Variants in TRAPPC11 observed in about 807,000 individuals in gnomAD.
TRAPPC11 encodes the protein trafficking protein particle complex subunit 11.
TRAPPC11 carries 104 observed loss-of-function variants against 151.2 expected under a neutral mutation model. The ratio of observed to expected loss-of-function variants is 0.69; its 90% confidence interval spans 0.59 to 0.81. The LOEUF (loss-of-function observed/expected upper bound fraction) is 0.81. TRAPPC11 is among the 30% of genes least tolerant of loss of function. TRAPPC11 has a pLI of 0.00. For missense variants in TRAPPC11, 1,230 were observed against 1,349.6 expected, an observed-to-expected ratio of 0.91 and a Z score of 1.39; for synonymous variants, 456 against 472.3, an observed-to-expected ratio of 0.97 and a Z score of 0.45.
chr4:183,661,424 T>G (rs1005599752), intron 1 of TRAPPC11, among the ~76,000 whole-genome samples: 3 of 132,846 alleles, frequency 2.3e-5, no homozygotes, highest in East Asian at 4.7e-4. Flanking sequence ...CAGGCTGGAG[T>G]GCAGTGGCGC....
Position 183,680,197 on chromosome 4 carries a change from T to G in TRAPPC11, c.1043T>G (p.Phe348Cys), listed in dbSNP as rs1735605499. 1.2e-6 allele frequency: 2 copies of G among 1,614,078 alleles called. No individual in the cohort carries two copies. Among genetic ancestry groups the G allele is most frequent in the Non-Finnish European group, 1.7e-6 (2 of 1,179,980 alleles). The part of the protein sequence containing the change: ...LTAIQTQNPG[F>C]YYQQAAYYAQ... ...GCTATTCAAACTCAGAATCCTGGTTTCTATTACCAGCAGGCAGCATACTAT... is the reference window on the plus strand; with the variant it reads ...GCTATTCAAACTCAGAATCCTGGTTGCTATTACCAGCAGGCAGCATACTAT... Residue 348 changes from phenylalanine (F) to cysteine (C), a missense_variant, in exon 10 of 30, where the codon TTC becomes TGC. By Grantham distance (205) the Phe-to-Cys change is radical (BLOSUM62 -2). Transcript: ENST00000334690.
rs70959134 is a variant in TRAPPC11 at position 183,663,736 on chromosome 4, G to GTTT, written c.-21-94_-21-92dup. On this transcript the variant is annotated intron_variant, in intron 1 of 29. Transcript: ENST00000334690. ...CATATATTGGAAATGAATATGAGTT[G>GTTT]TTTTTTTTTTTTTTTTTTTGAGACA... 1.8e-3 allele frequency: 701 copies of GTTT among 388,234 alleles called. 9 individuals are homozygous for GTTT. Among genetic ancestry groups the GTTT allele is most frequent in the South Asian group, 3.2e-3 (98 of 30,322 alleles). 24.0% of individuals were successfully genotyped at this position (388,234 alleles called of 1,614,324 possible).
intron 5 of TRAPPC11, among the ~76,000 whole-genome samples, chr4:183,668,486 C>G (rs184675497): frequency 6.6e-6 from 1 of 152,292 alleles, no homozygotes; most frequent in Admixed American, 6.5e-5. Flanking sequence ...ATATGTGCAT[C>G]TAGGTCAACT....
At chr4:183,664,189 A>G (rs1734723161) in intron 2 of TRAPPC11, 118 bp downstream of exon 2, 3 of 849,638 alleles carry the variant, frequency 3.5e-6, no homozygotes, top group Admixed American at 2.1e-5. Flanking sequence ...AGTGGTGCAT[A>G]AAGAAAGCCT....
At chr4:183,667,346 T>C (rs1248793629) in intron 4 of TRAPPC11, among the ~76,000 whole-genome samples, 1 of 152,230 alleles carries the variant, frequency 6.6e-6, no homozygotes. Context: ...CTAGTTCCCC[T>C]GTTCCACTTG....
chr4:183,679,406 C>T lies in TRAPPC11; in HGVS notation c.885C>T (p.Phe295=), dbSNP rs371401679. 9.3e-6 allele frequency: 15 copies of T among 1,612,908 alleles called. No homozygotes were observed. The African/African-American group carries it at 2.0e-4, about 22-fold the overall frequency. ...CCCCATTGGATGCAATTGCTCAGTTCCGAAAACACATCGACTTGTGTAAGA... is the reference window on the plus strand; with the variant it reads ...CCCCATTGGATGCAATTGCTCAGTTTCGAAAACACATCGACTTGTGTAAGA... The part of the protein sequence containing the change: ...HNTPLDAIAQ[F]RKHIDLCKKK... Residue 295 remains phenylalanine (F), a synonymous_variant, in exon 9 of 30, where the codon TTC becomes TTT. Coordinates refer to ENST00000334690, the MANE Select transcript of TRAPPC11 (RefSeq NM_021942.6).
At chr4:183,695,836 T>C (rs115102297) in intron 23 of TRAPPC11, among the ~76,000 whole-genome samples, 2,251 of 152,284 alleles carry the variant, frequency 0.015, 52 homozygotes, top group African/African-American at 0.052. Context: ...AATGTACTGT[T>C]GAAAATTTCT....
intron 10 of TRAPPC11, among the ~76,000 whole-genome samples, chr4:183,681,992 A>G (rs2111355392): frequency 1.3e-5 from 2 of 152,328 alleles, no homozygotes; most frequent in Non-Finnish European, 2.9e-5. Context: ...GGAATTTGTT[A>G]AAATATGCAC....
intron 10 of TRAPPC11, among the ~76,000 whole-genome samples, chr4:183,681,015 G>A (rs1360356119): frequency 6.8e-6 from 1 of 147,478 alleles, no homozygotes; most frequent in East Asian, 1.9e-4. Flanking sequence ...ACTCTTAAGA[G>A]TCTGTTTGAG....
chr4:183,685,630 G>A (rs568062288), intron 17 of TRAPPC11, among the ~76,000 whole-genome samples: 1 of 152,070 alleles, frequency 6.6e-6, no homozygotes, highest in African/African-American at 2.4e-5. Context: ...TTGTAGTTCA[G>A]GTGTTATTAG....
At position 183,712,663 on chromosome 4, in the gene TRAPPC11, G is replaced by C. The variant is rs752195305; in HGVS notation, c.*19G>C. On this transcript the variant is annotated 3_prime_UTR_variant, in exon 30 of 30. Transcript: ENST00000334690. ...TGCATGATGTTCAAGACCGGCCCTT[G>C]GCTGTTGTTACAGAGATGTTGGGCA... The C allele has an allele frequency of 6.2e-6, 10 of 1,613,632 alleles. No individual in the cohort carries two copies. In the East Asian group the frequency reaches 1.8e-4, roughly 29 times the overall value.
At chr4:183,699,866 C>G (rs1736718095) in intron 25 of TRAPPC11, among the ~76,000 whole-genome samples, 3 of 151,966 alleles carry the variant, frequency 2.0e-5, no homozygotes, top group African/African-American at 7.3e-5. Flanking sequence ...TCTCTGTCAC[C>G]CAGGCTGGAG....
intron 2 of TRAPPC11, among the ~76,000 whole-genome samples, chr4:183,665,360 C>A (rs1370395044): frequency 6.6e-6 from 1 of 152,086 alleles, no homozygotes; most frequent in Admixed American, 6.5e-5. Context: ...TCCCAAAGTG[C>A]TGGGATTACA....
chr4:183,680,228 G>C lies in TRAPPC11; in HGVS notation c.1074G>C (p.Gln358His). The change falls in exon 10 of 30, where the codon CAG (glutamine) becomes CAC (histidine). Residue 358 changes from glutamine to histidine, a missense_variant. By Grantham distance (24) the Gln-to-His change is conservative. Transcript: ENST00000334690. ...ACCAGCAGGCAGCATACTATGCCCA[G>C]GAGCGGAAACAGCTTGCAAAAACCC... is the stretch of plus-strand genomic sequence containing the variant. ...FYYQQAAYYA[Q>H]ERKQLAKTLC... is the part of the protein sequence containing the mutation. 6.2e-7 allele frequency: 1 copy of C among 1,614,024 alleles called. No homozygotes were observed. The highest frequency in any genetic ancestry group is 8.5e-7 in the Non-Finnish European group (1 of 1,179,980).
chr4:183,706,094 A>ACACACC (rs1737049171), intron 27 of TRAPPC11: 1 of 150,974 alleles, frequency 6.6e-6, no homozygotes, highest in African/African-American at 2.4e-5. Flanking sequence ...ACACACACAC[A>ACACACC]CACACCCACC....
rs561047344 is a variant in TRAPPC11, at chr4:183,683,512, A to T, written c.1208-463A>T. ...CCCATCTCTACAAAAAAATACAAAA[A>T]TTAGCCACACATAGTGGCATGTGCC... is the stretch of plus-strand genomic sequence containing the variant. On this transcript the variant is annotated intron_variant, in intron 11 of 29. Transcript: ENST00000334690. Among the ~76,000 whole-genome samples, 536 of 151,890 alleles carry T rather than the reference A, an allele frequency of 3.5e-3. 2 individuals are homozygous for T. The highest frequency in any genetic ancestry group is 6.2e-3 in the Non-Finnish European group (424 of 67,930).
In TRAPPC11 at chr4:183,684,787, C is replaced by T. The variant is rs764585505; in HGVS notation, c.1513C>T (p.Leu505Phe). 6.2e-7 allele frequency: 1 copy of T among 1,613,832 alleles called. No homozygotes were observed. The highest frequency in any genetic ancestry group is 8.5e-7 in the Non-Finnish European group (1 of 1,179,890). The change falls in exon 15 of 30, where the codon CTC (leucine) becomes TTC (phenylalanine). Residue 505 changes from leucine (L) to phenylalanine (F), a missense_variant. By Grantham distance (22) the Leu-to-Phe change is conservative (BLOSUM62 0). Coordinates refer to ENST00000334690, the MANE Select transcript of TRAPPC11 (RefSeq NM_021942.6). ...VLTTALKCSY[L>F]MAQLKDYITY... The stretch of plus-strand genomic sequence containing the variant: ...AACTACAGCTCTGAAGTGCTCCTAC[C>T]TCATGGCCCAATTAAAGGATTACAT...
At chr4:183,672,431 G>A (rs555507783) in intron 5 of TRAPPC11, among the ~76,000 whole-genome samples, 4 of 152,306 alleles carry the variant, frequency 2.6e-5, no homozygotes, top group Admixed American at 2.0e-4. Flanking sequence ...CCTTAAAAGT[G>A]TAATGTTTGA....
intron 25 of TRAPPC11, 54 bp downstream of exon 25, chr4:183,697,889 G>A: frequency 6.5e-7 from 1 of 1,532,052 alleles, no homozygotes; most frequent in Non-Finnish European, 8.9e-7. Flanking sequence ...GCGCGTGTGT[G>A]TGTGTGTGTA....
Sources: allele counts gnomAD v4.1 joint callset (sites outside exome capture counted in the v4.1 genomes callset), GRCh38; gene constraint gnomAD v4.1.1; transcripts MANE v1.5; gene names NCBI Gene and HGNC (gene_info 2026-07-23, HGNC 2026-07-21).